Variants in SLC24A3 observed in about 807,000 individuals in gnomAD.
The protein encoded by SLC24A3 is sodium/potassium/calcium exchanger 3.
Under a neutral mutation model 75.8 loss-of-function variants are expected in SLC24A3, and 28 were observed. The observed-to-expected ratio is 0.37, with a 90% CI of 0.27 to 0.51. The LOEUF (loss-of-function observed/expected upper bound fraction) is 0.51, where lower values mean the gene tolerates loss of function less well. SLC24A3 is among the 20% of genes least tolerant of loss of function. The pLI, the probability that SLC24A3 is intolerant of heterozygous loss-of-function variation, is 0.94. For synonymous variants in SLC24A3, 372 were observed against 334.1 expected (o/e 1.11, Z -1.24); for missense variants, 663 against 847.8 (o/e 0.78, Z 2.71).
chr20:19,622,144 C>T (rs2031811868), intron 6 of SLC24A3, among the ~76,000 whole-genome samples: 1 of 152,146 alleles, frequency 6.6e-6, no homozygotes, highest in African/African-American at 2.4e-5. Context: ...AAACCAGTGC[C>T]ACGAACCTTC....
rs373091112 is a variant in SLC24A3 at position 19,272,033 on chromosome 20, G to A, written c.143-8926G>A. On this transcript the variant is annotated intron_variant, in intron 1 of 16. Coordinates refer to ENST00000328041, the MANE Select transcript of SLC24A3 (RefSeq NM_020689.4). ...GATACGGGAGAAAGCGTATTCAGGT[G>A]GCCACTCCCATGTGGATGCTGAAGT... Among the ~76,000 whole-genome samples, 20 of 152,354 alleles carry A rather than the reference G, an allele frequency of 1.3e-4. 1 individual carries two copies. In the South Asian group the frequency reaches 4.1e-3, roughly 32 times the overall value.
chr20:19,636,933 G>A (rs2032009426), intron 6 of SLC24A3, among the ~76,000 whole-genome samples: 1 of 152,134 alleles, frequency 6.6e-6, no homozygotes, highest in African/African-American at 2.4e-5. Flanking sequence ...GGATATTGAA[G>A]CCATAAAACA....
chr20:19,334,056 C>T (rs1337759988), intron 2 of SLC24A3, among the ~76,000 whole-genome samples: 1 of 149,782 alleles, frequency 6.7e-6, no homozygotes, highest in East Asian at 1.9e-4. Context: ...AAAAAAAAGA[C>T]AGCAAAGAGA....
Position 19,212,991 on chromosome 20 carries a change from G to T in SLC24A3, c.142+7G>T. On this transcript the variant is annotated splice_region_variant and intron_variant, in intron 1 of 16. Transcript: ENST00000328041. ...AGCCTGCGAGAGCAGAAGGGTGAGT[G>T]CACGCTGCCTGCCCCGAGTGGGCGC... The T allele has an allele frequency of 7.9e-7, 1 of 1,271,836 alleles. No homozygotes were observed. Among genetic ancestry groups the T allele is most frequent in the Non-Finnish European group, 9.9e-7 (1 of 1,006,900 alleles). The allele number at this position is 1,271,836 out of a possible 1,614,324, so 78.8% of individuals were successfully genotyped here.
At chr20:19,313,169 T>C (rs967354618) in intron 2 of SLC24A3, among the ~76,000 whole-genome samples, 2 of 151,126 alleles carry the variant, frequency 1.3e-5, no homozygotes, top group Non-Finnish European at 2.9e-5. Flanking sequence ...CCCGAGTAGC[T>C]GGGATTATAG....
At chr20:19,251,770 G>A (rs1260513118) in intron 1 of SLC24A3, among the ~76,000 whole-genome samples, 1 of 152,182 alleles carries the variant, frequency 6.6e-6, no homozygotes, top group East Asian at 1.9e-4. Flanking sequence ...AAGCCCTCCA[G>A]GAGGAGCTGG....
intron 2 of SLC24A3, among the ~76,000 whole-genome samples, chr20:19,398,605 G>A (rs1031923292): frequency 6.6e-6 from 1 of 152,032 alleles, no homozygotes; most frequent in African/African-American, 2.4e-5. Flanking sequence ...TCCACATAGA[G>A]GGTTATAACA....
At chr20:19,569,433 T>C (rs2031014249) in intron 3 of SLC24A3, among the ~76,000 whole-genome samples, 1 of 152,146 alleles carries the variant, frequency 6.6e-6, no homozygotes, top group African/African-American at 2.4e-5. Flanking sequence ...CCTGTGGCCC[T>C]CCTGTCCCAC....
intron 6 of SLC24A3, among the ~76,000 whole-genome samples, chr20:19,597,564 A>G (rs2031467376): frequency 6.6e-6 from 1 of 152,180 alleles, no homozygotes; most frequent in Non-Finnish European, 1.5e-5. Context: ...TCATTTCTAC[A>G]TGTTGGGAAC....
chr20:19,469,851 C>T (rs920695315), intron 2 of SLC24A3, among the ~76,000 whole-genome samples: 6 of 152,208 alleles, frequency 3.9e-5, no homozygotes, highest in African/African-American at 1.4e-4. Context: ...GCTGTGGTCA[C>T]ATGCCCATTC....
chr20:19,574,500 C>T (rs1037068475), intron 3 of SLC24A3, among the ~76,000 whole-genome samples: 5 of 152,194 alleles, frequency 3.3e-5, no homozygotes, highest in Non-Finnish European at 7.3e-5. Flanking sequence ...TGGGCTGGGC[C>T]TGTCTCAGTT....
intron 15 of SLC24A3, among the ~76,000 whole-genome samples, chr20:19,707,827 A>T (rs1030425002): frequency 6.6e-6 from 1 of 152,214 alleles, no homozygotes; most frequent in African/African-American, 2.4e-5. Flanking sequence ...TAGGACAAAT[A>T]AAGTTTGATA....
At chr20:19,328,369 A>G (rs1342927539) in intron 2 of SLC24A3, among the ~76,000 whole-genome samples, 3 of 152,164 alleles carry the variant, frequency 2.0e-5, no homozygotes, top group African/African-American at 7.2e-5. Flanking sequence ...TAAAGGATCA[A>G]CCAGAATGTT....
intron 15 of SLC24A3, among the ~76,000 whole-genome samples, chr20:19,709,856 G>A (rs2032971008): frequency 6.6e-6 from 1 of 152,060 alleles, no homozygotes; most frequent in African/African-American, 2.4e-5. Flanking sequence ...CAAATGGGGA[G>A]AACAAAACCC....
chr20:19,332,466 T>C (rs1985022308), intron 2 of SLC24A3, among the ~76,000 whole-genome samples: 1 of 152,202 alleles, frequency 6.6e-6, no homozygotes, highest in South Asian at 2.1e-4. Context: ...CACATGTCTT[T>C]AGTGAAGTCA....
rs546004444 is a variant in SLC24A3, at chr20:19,348,388, G to A, written c.271+67301G>A. On this transcript the variant is annotated intron_variant, in intron 2 of 16. Transcript: ENST00000328041. ...CAGTCATAGCTGGAGGTCCATTGTCGGTTGTTAACAGGCAGTGAACTGTTG... is the reference window on the plus strand; with the variant it reads ...CAGTCATAGCTGGAGGTCCATTGTCAGTTGTTAACAGGCAGTGAACTGTTG... Among the ~76,000 whole-genome samples the A allele has an allele frequency of 6.6e-5, 10 of 152,202 alleles. No individual in the cohort carries two copies. In the South Asian group the frequency reaches 8.3e-4, roughly 13 times the overall value.
chr20:19,596,120 G>T (rs766275236), intron 6 of SLC24A3, among the ~76,000 whole-genome samples: 3 of 152,112 alleles, frequency 2.0e-5, no homozygotes, highest in Non-Finnish European at 2.9e-5. Flanking sequence ...GTTTTAAGCT[G>T]TTGACTACCG....
chr20:19,671,609 T>A (rs1211373137), intron 8 of SLC24A3, among the ~76,000 whole-genome samples: 6 of 151,928 alleles, frequency 3.9e-5, no homozygotes, highest in Non-Finnish European at 8.8e-5. Context: ...GTGGTACAGT[T>A]GACTGAAAGG....
chr20:19,212,696 G>T lies in SLC24A3; in HGVS notation c.-147G>T. The T allele has an allele frequency of 2.1e-6, 1 of 486,798 alleles. No homozygotes were observed. Among genetic ancestry groups the T allele is most frequent in the South Asian group, 8.1e-5 (1 of 12,286 alleles). The allele number at this position is 486,798 out of a possible 1,614,324, so 30.2% of individuals were successfully genotyped here. ...GACGGGCAGCGGCGAGGAGGAGGAA[G>T]AGGAGGCGGAGGCGGCGGCCGGGTG... is the stretch of plus-strand genomic sequence containing the variant. On this transcript the variant is annotated 5_prime_UTR_variant, in exon 1 of 17. Transcript: ENST00000328041.
Sources: gnomAD v4.1 joint callset for allele counts (sites outside exome capture counted in the v4.1 genomes callset) on GRCh38, gnomAD v4.1.1 for gene constraint, MANE v1.5 for transcripts, NCBI Gene and HGNC (gene_info 2026-07-23, HGNC 2026-07-21) for gene names.